ARHGAP28: variants seen among roughly 807,000 people sequenced by gnomAD.
ARHGAP28 encodes Rho GTPase activating protein 28, also known as rho GTPase-activating protein 28.
Under a neutral mutation model 90.7 loss-of-function variants are expected in ARHGAP28, and 56 were observed. That is an observed-to-expected ratio of 0.62 (90% CI 0.50 to 0.77). The LOEUF (loss-of-function observed/expected upper bound fraction) is 0.77, where lower values mean the gene tolerates loss of function less well. Ranked by LOEUF, ARHGAP28 falls within the 30% of genes least tolerant of loss-of-function variation. The pLI is 0.00. For synonymous variants in ARHGAP28, 308 were observed against 323.3 expected (o/e 0.95, Z 0.51); for missense variants, 869 against 900.9 (o/e 0.96, Z 0.45).
At chr18:6,866,470 T>G in intron 5 of ARHGAP28, among the ~76,000 whole-genome samples, 1 of 152,178 alleles carries the variant, frequency 6.6e-6, no homozygotes, top group East Asian at 1.9e-4. Flanking sequence ...GAAGTCCTTT[T>G]CATTATTCCT....
chr18:6,774,415 G>A (rs1314754813), intron 1 of ARHGAP28, among the ~76,000 whole-genome samples: 2 of 152,096 alleles, frequency 1.3e-5, no homozygotes, highest in Non-Finnish European at 2.9e-5. Context: ...ATAGTAAATT[G>A]CCATTTTTTA....
intron 1 of ARHGAP28, among the ~76,000 whole-genome samples, chr18:6,792,112 T>A (rs1022402874): frequency 1.3e-5 from 2 of 152,158 alleles, no homozygotes; most frequent in African/African-American, 4.8e-5. Context: ...TGCAAATTAA[T>A]TTGTAGATTC....
At chr18:6,761,123 G>T (rs77547962) in intron 1 of ARHGAP28, among the ~76,000 whole-genome samples, 1 of 151,242 alleles carries the variant, frequency 6.6e-6, no homozygotes, top group African/African-American at 2.4e-5. Flanking sequence ...CTAATTGGGG[G>T]TATCAGAAGT....
chr18:6,905,568 A>C (rs1267183164), intron 16 of ARHGAP28, among the ~76,000 whole-genome samples: 1 of 152,206 alleles, frequency 6.6e-6, no homozygotes, highest in Non-Finnish European at 1.5e-5. Flanking sequence ...GGGAAAGAAA[A>C]GAAATGGGAG....
At chr18:6,814,006 C>A (rs2143704094) in intron 1 of ARHGAP28, among the ~76,000 whole-genome samples, 1 of 152,166 alleles carries the variant, frequency 6.6e-6, no homozygotes, top group African/African-American at 2.4e-5. Flanking sequence ...CAAAGTCAGC[C>A]AATCACAACT....
intron 3 of ARHGAP28, among the ~76,000 whole-genome samples, chr18:6,838,372 C>T (rs769709987): frequency 3.9e-5 from 6 of 152,182 alleles, no homozygotes; most frequent in Non-Finnish European, 1.5e-5. Flanking sequence ...TGGTTGAAGA[C>T]AGTCTCCAAT....
At chr18:6,835,696 T>G (rs1413182075) in intron 2 of ARHGAP28, among the ~76,000 whole-genome samples, 2 of 152,220 alleles carry the variant, frequency 1.3e-5, no homozygotes, top group African/African-American at 4.8e-5. Context: ...ACACTGTTAT[T>G]CTGATTTCCT....
chr18:6,817,860 T>C (rs1354945489), intron 1 of ARHGAP28, among the ~76,000 whole-genome samples: 1 of 152,206 alleles, frequency 6.6e-6, no homozygotes, highest in Non-Finnish European at 1.5e-5. Flanking sequence ...TAGCCACTTC[T>C]GGGCCAAGGG....
Position 6,824,745 on chromosome 18 carries a change from T to C in ARHGAP28, c.123-17T>C. The C allele has an allele frequency of 6.6e-7, 1 of 1,525,796 alleles. No homozygotes were observed. The highest frequency in any genetic ancestry group is 1.4e-5 in the African/African-American group (1 of 72,566). 94.5% of individuals were successfully genotyped at this position (1,525,796 alleles called of 1,614,324 possible). A position where few individuals can be genotyped will look rare whatever the true frequency, so the allele number is the denominator to read the frequency against. On this transcript the variant is annotated splice_polypyrimidine_tract_variant and intron_variant, in intron 1 of 17. Coordinates refer to ENST00000383472, the MANE Select transcript of ARHGAP28 (RefSeq NM_001366230.1). ...AATATAACCCGTTTTTATTCATAGA[T>C]ATTATTCTTTCCTCAGAAAATCCAT...
intron 10 of ARHGAP28, among the ~76,000 whole-genome samples, chr18:6,881,044 C>T (rs1221722312): frequency 6.6e-6 from 1 of 152,190 alleles, no homozygotes; most frequent in Non-Finnish European, 1.5e-5. Context: ...ATGGAAATCT[C>T]CTTTTGATCT....
At chr18:6,857,161 C>T (rs958226774) in intron 4 of ARHGAP28, among the ~76,000 whole-genome samples, 1 of 152,136 alleles carries the variant, frequency 6.6e-6, no homozygotes, top group Non-Finnish European at 1.5e-5. Flanking sequence ...CTCCCCATCA[C>T]CCATAGCTGT....
intron 5 of ARHGAP28, among the ~76,000 whole-genome samples, chr18:6,864,252 G>C (rs1567974665): frequency 6.6e-6 from 1 of 152,114 alleles, no homozygotes; most frequent in East Asian, 1.9e-4. Context: ...TTTTAGTAGA[G>C]ACTGGGTTTC....
chr18:6,733,463 T>C (rs1361182463), intron 1 of ARHGAP28, among the ~76,000 whole-genome samples: 3 of 152,138 alleles, frequency 2.0e-5, no homozygotes, highest in African/African-American at 7.2e-5. Flanking sequence ...TCTATCACCA[T>C]ATTTCTTGAT....
At chr18:6,751,065 G>T (rs182101099) in intron 1 of ARHGAP28, among the ~76,000 whole-genome samples, 2 of 151,850 alleles carry the variant, frequency 1.3e-5, no homozygotes, top group African/African-American at 4.8e-5. Flanking sequence ...CAGAAGTCAG[G>T]GTTTATCTTT....
At chr18:6,840,655 C>T (rs923518182) in intron 3 of ARHGAP28, among the ~76,000 whole-genome samples, 1 of 152,102 alleles carries the variant, frequency 6.6e-6, no homozygotes, top group Admixed American at 6.5e-5. Context: ...TTCTTCCTTC[C>T]GTCTGCCTTC....
intron 16 of ARHGAP28, among the ~76,000 whole-genome samples, chr18:6,903,455 A>G (rs1338790591): frequency 2.0e-5 from 3 of 152,216 alleles, no homozygotes; most frequent in Non-Finnish European, 4.4e-5. Context: ...TAAGTTACAC[A>G]TGTACTGTAA....
At position 6,820,157 on chromosome 18, in the gene ARHGAP28, T is replaced by C. The variant is rs2056617021; in HGVS notation, c.123-4605T>C. Among the ~76,000 whole-genome samples the C allele has an allele frequency of 2.0e-5, 3 of 152,290 alleles. No homozygotes were observed. The South Asian group carries it at 6.2e-4, about 32-fold the overall frequency. ...CTTTCCAATAACAATTATAATATGT[T>C]ATAGAAATTAGAGGATAGATGGGCA... On this transcript the variant is annotated intron_variant, in intron 1 of 17. Transcript: ENST00000383472.
chr18:6,851,554 C>T (rs180675618), intron 4 of ARHGAP28, among the ~76,000 whole-genome samples: 28 of 152,218 alleles, frequency 1.8e-4, no homozygotes, highest in Admixed American at 6.5e-4. Context: ...AAGACCCAAC[C>T]GTTCTACTCA....
At chr18:6,831,957 A>C (rs1313095750) in intron 2 of ARHGAP28, among the ~76,000 whole-genome samples, 1 of 152,036 alleles carries the variant, frequency 6.6e-6, no homozygotes, top group East Asian at 1.9e-4. Flanking sequence ...GTGCTTTTCT[A>C]GTATGTTGGT....
Sources: gnomAD v4.1 joint callset for allele counts (sites outside exome capture counted in the v4.1 genomes callset) on GRCh38, gnomAD v4.1.1 for gene constraint, MANE v1.5 for transcripts, NCBI Gene and HGNC (gene_info 2026-07-23, HGNC 2026-07-21) for gene names.